Variants in LATS1 observed in about 807,000 individuals in gnomAD.
The protein encoded by LATS1 is serine/threonine-protein kinase LATS1.
A neutral mutation model predicts 106.6 loss-of-function variants in LATS1; 25 were observed. The observed-to-expected ratio is 0.23, with a 90% CI of 0.17 to 0.33. The LOEUF is 0.33. Among genes scored for constraint, LATS1 ranks in the 10% least tolerant of loss-of-function variants. The pLI is 1.00. For synonymous variants in LATS1, 465 were observed against 455.6 expected, an observed-to-expected ratio of 1.02 and a Z score of -0.26; for missense variants, 1,040 against 1,382.6, an observed-to-expected ratio of 0.75 and a Z score of 3.93.
intron 4 of LATS1, among the ~76,000 whole-genome samples, chr6:149,682,606 G>T (rs1231578031): frequency 6.6e-6 from 1 of 151,758 alleles, no homozygotes; most frequent in African/African-American, 2.4e-5. Context: ...AGTAGAGACG[G>T]GGTTTCACTG....
Position 149,662,225 on chromosome 6 carries a change from T to C in LATS1, c.2897A>G (p.Gln966Arg), listed in dbSNP as rs1202209521. 1.2e-6 allele frequency: 2 copies of C among 1,601,324 alleles called. No individual in the cohort carries two copies. The highest frequency in any genetic ancestry group is 1.7e-6 in the Non-Finnish European group (2 of 1,175,988). Residue 966 changes from glutamine to arginine, a missense_variant, in exon 8 of 8, where the codon CAA becomes CGA. Around this residue, in one of 7 missense-constraint regions of LATS1, gnomAD observed 113 missense variants for 146.3 expected, o/e 0.77. Transcript: ENST00000543571. The part of the protein sequence containing the change: ...LETQMKVINW[Q>R]TSLHIPPQAK... ...TTGTGGTGGAATGTGAAGAGATGTT[T>C]GCCAGTTGATAACCTTTAAAGATTT...
chr6:149,676,121 G>A (rs1199137330), intron 7 of LATS1, 139 bp downstream of exon 7: 1 of 628,306 alleles, frequency 1.6e-6, no homozygotes, highest in Non-Finnish European at 2.9e-6. Context: ...CAAAGAACTG[G>A]CATTATGGGT....
rs1781720578 is a variant in LATS1 at position 149,676,255 on chromosome 6, C to T, written c.2883+5G>A. On this transcript the variant is annotated splice_donor_5th_base_variant and intron_variant, in intron 7 of 7. Coordinates refer to ENST00000543571, the MANE Select transcript of LATS1 (RefSeq NM_004690.4). ...AATTCTTTTGATATAGATGCCATAC[C>T]TTACCTTCATTTGTGTTTCTAATGG... is the stretch of plus-strand genomic sequence containing the variant. 7 of 1,584,388 alleles carry T rather than the reference C, an allele frequency of 4.4e-6. No homozygotes were observed. The highest frequency in any genetic ancestry group is 6.1e-6 in the Non-Finnish European group (7 of 1,153,048).
Position 149,702,146 on chromosome 6 carries a change from G to C in LATS1, c.-20C>G. On this transcript the variant is annotated 5_prime_UTR_variant, in exon 2 of 8. Transcript: ENST00000543571. Reference sequence around the variant, plus strand: ...CTTCATGAAAACATCTATATATGTAGCCCACACGAAGGACTTCTTTATTTG... The same window carrying C: ...CTTCATGAAAACATCTATATATGTACCCCACACGAAGGACTTCTTTATTTG... 6.7e-7 allele frequency: 1 copy of C among 1,498,776 alleles called. No homozygotes were observed. The highest frequency in any genetic ancestry group is 9.1e-7 in the Non-Finnish European group (1 of 1,096,774). 92.8% of individuals were successfully genotyped at this position (1,498,776 alleles called of 1,614,324 possible).
chr6:149,689,339 T>C (rs1481773944), intron 3 of LATS1, among the ~76,000 whole-genome samples: 1 of 148,636 alleles, frequency 6.7e-6, no homozygotes, highest in South Asian at 2.1e-4. Flanking sequence ...AAGAAGCCGA[T>C]AAAGGTAGAG....
intron 1 of LATS1, among the ~76,000 whole-genome samples, chr6:149,703,671 C>T (rs1223221424): frequency 6.6e-6 from 1 of 151,954 alleles, no homozygotes; most frequent in African/African-American, 2.4e-5. Flanking sequence ...TGAGACCAGC[C>T]TGGGCAACAT....
intron 2 of LATS1, among the ~76,000 whole-genome samples, chr6:149,701,023 T>C (rs555716474): frequency 2.6e-5 from 4 of 152,356 alleles, no homozygotes; most frequent in African/African-American, 7.2e-5. Context: ...CCTCAGATGA[T>C]CCACCCACCT....
intron 2 of LATS1, among the ~76,000 whole-genome samples, chr6:149,700,509 G>A (rs1303896810): frequency 2.0e-5 from 3 of 151,798 alleles, no homozygotes; most frequent in Admixed American, 2.0e-4. Flanking sequence ...TTTCCTTCTA[G>A]TTTAGTTGTA....
At chr6:149,700,896 G>T (rs1049592414) in intron 2 of LATS1, among the ~76,000 whole-genome samples, 1 of 152,174 alleles carries the variant, frequency 6.6e-6, no homozygotes, top group African/African-American at 2.4e-5. Flanking sequence ...AGATTATCCT[G>T]CTTCAGCCTC....
chr6:149,698,083 G>A (rs1316218928), intron 2 of LATS1, among the ~76,000 whole-genome samples: 2 of 151,896 alleles, frequency 1.3e-5, no homozygotes, highest in East Asian at 3.9e-4. Flanking sequence ...TTGTGATTCT[G>A]GTGATTACTA....
At position 149,683,366 on chromosome 6, in the gene LATS1, A is replaced by G. The variant is rs142419364; in HGVS notation, c.1723T>C (p.Ser575Pro). ...HQNPSVPPYE[S>P]ISKPSKEDQP... ...TCCTCTTTGCTAGGCTTACTGATTG[A>G]CTCGTATGGAGGAACAGATGGGTTT... Residue 575 changes from serine to proline, a missense_variant, in exon 4 of 8, where the codon TCA (serine) becomes CCA (proline). Coordinates refer to ENST00000543571, the MANE Select transcript of LATS1 (RefSeq NM_004690.4). 37 of 1,613,768 alleles carry G rather than the reference A, an allele frequency of 2.3e-5. No individual in the cohort carries two copies. In the African/African-American group the frequency reaches 3.9e-4, roughly 17 times the overall value.
chr6:149,703,464 T>C (rs1783580550), intron 1 of LATS1, among the ~76,000 whole-genome samples: 1 of 152,166 alleles, frequency 6.6e-6, no homozygotes, highest in African/African-American at 2.4e-5. Context: ...GGTTGGATCT[T>C]GTGGATGAAT....
At chr6:149,674,912 TAA>T (rs951602925) in intron 7 of LATS1, among the ~76,000 whole-genome samples, 2 of 150,310 alleles carry the variant, frequency 1.3e-5, no homozygotes, top group African/African-American at 4.9e-5. Context: ...TCAAAATAAA[TAA>T]AGTGCTGGGA....
At position 149,678,162 on chromosome 6, in the gene LATS1, TCCAAAAAAA is replaced by T. The variant is rs1318365697; in HGVS notation, c.2594-1434_2594-1426del. Among the ~76,000 whole-genome samples the T allele has an allele frequency of 5.5e-3, 157 of 28,620 alleles. 2 individuals are homozygous for T. The East Asian group carries it at 0.073, about 13-fold the overall frequency. The allele number at this position is 28,620 out of a possible 152,430, so 18.8% of individuals were successfully genotyped here. ...GGTGAAACCTGGTCTCTACTAAAAA[TCCAAAAAAA>T]AAAAAAAAAAAAAAAAAAAAAAAAT... On this transcript the variant is annotated intron_variant, in intron 5 of 7. Coordinates refer to ENST00000543571, the MANE Select transcript of LATS1 (RefSeq NM_004690.4).
At chr6:149,668,543 G>A (rs2114715461) in intron 7 of LATS1, among the ~76,000 whole-genome samples, 1 of 151,156 alleles carries the variant, frequency 6.6e-6, no homozygotes, top group East Asian at 2.0e-4. Flanking sequence ...CTGGGCTCAA[G>A]TGATCCTCTT....
Position 149,695,249 on chromosome 6 carries a change from AG to A in LATS1, c.349-29del, listed in dbSNP as rs559766549. ...GATATGAATTGAAGTTTAAAAAAAA[AG>A]AAACAAAATTTAAATCTTACAATAA... is the stretch of plus-strand genomic sequence containing the variant. On this transcript the variant is annotated intron_variant, in intron 2 of 7. Transcript: ENST00000543571. The A allele has an allele frequency of 1.5e-4, 216 of 1,471,546 alleles. No individual in the cohort carries two copies. The South Asian group carries it at 2.5e-3, about 17-fold the overall frequency. 91.2% of individuals were successfully genotyped at this position (1,471,546 alleles called of 1,614,324 possible).
intron 3 of LATS1, among the ~76,000 whole-genome samples, chr6:149,689,388 C>T (rs1443718487): frequency 1.4e-5 from 2 of 146,994 alleles, no homozygotes; most frequent in Non-Finnish European, 3.0e-5. Context: ...ATTATCCTTT[C>T]AGGCTGGGCA....
chr6:149,662,656 CAT>C (rs1477493526), intron 7 of LATS1, among the ~76,000 whole-genome samples: 2 of 152,188 alleles, frequency 1.3e-5, no homozygotes, highest in African/African-American at 2.4e-5. Flanking sequence ...ATACTTAATA[CAT>C]GTTTGATAAA....
intron 3 of LATS1, among the ~76,000 whole-genome samples, chr6:149,688,303 TTTTG>T (rs1004762290): frequency 2.2e-4 from 33 of 152,186 alleles, no homozygotes; most frequent in East Asian, 5.8e-4. Flanking sequence ...TATTTGGGTT[TTTTG>T]TTTGTTTGTT....
Sources: gnomAD v4.1 joint callset for allele counts (sites outside exome capture counted in the v4.1 genomes callset) on GRCh38, gnomAD v4.1.1 for gene constraint, gnomAD v4.1.1 regional missense constraint, MANE v1.5 for transcripts, NCBI Gene and HGNC (gene_info 2026-07-23, HGNC 2026-07-21) for gene names.